Variants in DNAJC1 observed in about 807,000 individuals in gnomAD.
The protein encoded by DNAJC1 is DnaJ heat shock protein family (Hsp40) member C1.
A neutral mutation model predicts 76.6 loss-of-function variants in DNAJC1; 58 were observed. The ratio of observed to expected loss-of-function variants is 0.76; its 90% CI spans 0.61 to 0.94. DNAJC1 has a LOEUF of 0.94. DNAJC1 is among the 40% of genes least tolerant of loss of function. The pLI, the probability that DNAJC1 is intolerant of heterozygous loss-of-function variation, is 0.00. For missense variants in DNAJC1, 689 were observed against 677.3 expected, an observed-to-expected ratio of 1.02 and a Z score of -0.19; for synonymous variants, 258 against 267.9, an observed-to-expected ratio of 0.96 and a Z score of 0.36.
At chr10:21,847,836 C>A (rs972412312) in intron 8 of DNAJC1, among the ~76,000 whole-genome samples, 4 of 151,940 alleles carry the variant, frequency 2.6e-5, no homozygotes, top group Non-Finnish European at 5.9e-5. Context: ...ACAAACACAC[C>A]ATTTTCTTTA....
intron 7 of DNAJC1, among the ~76,000 whole-genome samples, chr10:21,887,210 T>C (rs1486567475): frequency 1.3e-5 from 2 of 151,764 alleles, no homozygotes. Flanking sequence ...ATGACGAGAA[T>C]TACAAAACTC....
intron 7 of DNAJC1, among the ~76,000 whole-genome samples, chr10:21,883,216 T>C (rs1234780728): frequency 4.1e-5 from 6 of 148,104 alleles, no homozygotes; most frequent in African/African-American, 1.5e-4. Context: ...CACCACTGCA[T>C]TCCAGCCTGG....
At chr10:21,876,943 A>G (rs1249767719) in intron 8 of DNAJC1, among the ~76,000 whole-genome samples, 2 of 152,220 alleles carry the variant, frequency 1.3e-5, no homozygotes, top group Non-Finnish European at 2.9e-5. Flanking sequence ...TAAAGCTTCT[A>G]GAAGGATTTG....
intron 8 of DNAJC1, among the ~76,000 whole-genome samples, chr10:21,834,734 G>C (rs559887545): frequency 6.6e-6 from 1 of 152,220 alleles, no homozygotes; most frequent in African/African-American, 2.4e-5. Flanking sequence ...TAGCACAGCA[G>C]TCTGAGATCA....
intron 8 of DNAJC1, among the ~76,000 whole-genome samples, chr10:21,817,721 T>C (rs1207050405): frequency 6.6e-6 from 1 of 152,176 alleles, no homozygotes; most frequent in African/African-American, 2.4e-5. Context: ...CAGAAGAACG[T>C]GGATTGTGAA....
intron 7 of DNAJC1, among the ~76,000 whole-genome samples, chr10:21,897,476 C>A (rs534865811): frequency 1.3e-5 from 2 of 152,292 alleles, no homozygotes; most frequent in South Asian, 4.1e-4. Context: ...GGGTCCTCAA[C>A]ACCCTGGGCC....
intron 8 of DNAJC1, among the ~76,000 whole-genome samples, chr10:21,872,937 G>A (rs369255602): frequency 6.6e-6 from 1 of 152,170 alleles, no homozygotes. Flanking sequence ...AAATCCACAG[G>A]CAGACAGCCC....
chr10:21,818,988 C>T (rs1452411926), intron 8 of DNAJC1, among the ~76,000 whole-genome samples: 2 of 152,116 alleles, frequency 1.3e-5, no homozygotes, highest in African/African-American at 4.8e-5. Context: ...AGATGCATCA[C>T]TATTATACTA....
intron 3 of DNAJC1, among the ~76,000 whole-genome samples, chr10:21,927,107 G>C (rs1299228994): frequency 6.6e-6 from 1 of 152,106 alleles, no homozygotes; most frequent in East Asian, 1.9e-4. Flanking sequence ...TGCACAGAAT[G>C]ACCAAAACTT....
chr10:21,770,389 T>C (rs1232008846), intron 9 of DNAJC1, among the ~76,000 whole-genome samples: 2 of 147,994 alleles, frequency 1.4e-5, no homozygotes, highest in Non-Finnish European at 1.5e-5. Flanking sequence ...AGATTATTTT[T>C]TTCTTCTTTT....
At chr10:21,812,354 G>A (rs538180963) in intron 8 of DNAJC1, among the ~76,000 whole-genome samples, 88 of 152,268 alleles carry the variant, frequency 5.8e-4, no homozygotes, top group African/African-American at 2.0e-3. Flanking sequence ...ACTGCGCCCA[G>A]CCAGACAAAT....
At chr10:21,916,914 C>T (rs1283199325) in intron 6 of DNAJC1, among the ~76,000 whole-genome samples, 1 of 151,894 alleles carries the variant, frequency 6.6e-6, no homozygotes, top group East Asian at 1.9e-4. Context: ...CTAAGGTCCC[C>T]ACAGCAGAAT....
At chr10:21,839,040 C>G (rs1041787187) in intron 8 of DNAJC1, among the ~76,000 whole-genome samples, 1 of 152,208 alleles carries the variant, frequency 6.6e-6, no homozygotes, top group Non-Finnish European at 1.5e-5. Flanking sequence ...TAAAGGTGTT[C>G]TTTGAAACCA....
At chr10:21,991,498 G>A (rs538722210) in intron 1 of DNAJC1, among the ~76,000 whole-genome samples, 183 of 152,124 alleles carry the variant, frequency 1.2e-3, no homozygotes, top group Admixed American at 2.3e-3. Context: ...AAGTAACTAG[G>A]AATATGATAG....
chr10:21,854,081 C>T (rs369892510), intron 8 of DNAJC1, among the ~76,000 whole-genome samples: 13 of 151,920 alleles, frequency 8.6e-5, no homozygotes, highest in African/African-American at 3.1e-4. Context: ...ATTACATTTA[C>T]CCTATAGACA....
At chr10:21,804,587 T>G (rs1252529245) in intron 9 of DNAJC1, among the ~76,000 whole-genome samples, 3 of 151,726 alleles carry the variant, frequency 2.0e-5, no homozygotes, top group Non-Finnish European at 2.9e-5. Flanking sequence ...AGTAACATGT[T>G]TAGCTGAAGA....
chr10:21,759,532 T>C lies in DNAJC1; in HGVS notation c.1234A>G (p.Thr412Ala). Residue 412 changes from threonine (T) to alanine (A), a missense_variant, in exon 11 of 12, where the codon ACC (threonine) becomes GCC (alanine). Transcript: ENST00000376980. ...ACCCCCTCTGCGTCCTCTCGCTGGGTGATCATGTCATCGGGCAAGGTGGTG... is the reference window on the plus strand; with the variant it reads ...ACCCCCTCTGCGTCCTCTCGCTGGGCGATCATGTCATCGGGCAAGGTGGTG... ...TATTLPDDMI[T>A]QREDAEGVAA... 1 of 1,614,150 alleles carries C rather than the reference T, an allele frequency of 6.2e-7. No homozygotes were observed. The highest frequency in any genetic ancestry group is 8.5e-7 in the Non-Finnish European group (1 of 1,180,012).
At chr10:21,923,045 G>A (rs1708261724) in intron 3 of DNAJC1, among the ~76,000 whole-genome samples, 1 of 151,914 alleles carries the variant, frequency 6.6e-6, no homozygotes, top group Admixed American at 6.6e-5. Flanking sequence ...CTATGTGTCT[G>A]TTAATAGCTA....
At chr10:21,809,982 A>G (rs1589989386) in intron 8 of DNAJC1, among the ~76,000 whole-genome samples, 1 of 150,706 alleles carries the variant, frequency 6.6e-6, no homozygotes, top group African/African-American at 2.4e-5. Context: ...GGAATGGGGG[A>G]GTCTGTTGTC....
Sources: allele counts gnomAD v4.1 joint callset (sites outside exome capture counted in the v4.1 genomes callset), GRCh38; gene constraint gnomAD v4.1.1; transcripts MANE v1.5; gene names NCBI Gene and HGNC (gene_info 2026-07-23, HGNC 2026-07-21).